MBD5: variants seen among roughly 807,000 people sequenced by gnomAD.
MBD5 encodes methyl-CpG-binding domain protein 5.
Under a neutral mutation model 117.3 loss-of-function variants are expected in MBD5, and 13 were observed. The observed-to-expected ratio is 0.11, with a 90% CI of 0.07 to 0.18. The LOEUF (loss-of-function observed/expected upper bound fraction) is 0.18, where lower values mean the gene tolerates loss of function less well. MBD5 is among the 10% of genes least tolerant of loss of function. The pLI is 1.00. For synonymous variants in MBD5, 727 were observed against 766.4 expected (o/e 0.95, Z 0.85); for missense variants, 1,879 against 2,093.8 (o/e 0.90, Z 2.00).
intron 1 of MBD5, among the ~76,000 whole-genome samples, chr2:148,053,642 T>TGTTG: frequency 6.6e-6 from 1 of 152,110 alleles, no homozygotes; most frequent in East Asian, 1.9e-4. Flanking sequence ...ACTTACACCA[T>TGTTG]ATGCATTCTC....
At chr2:148,172,812 G>A (rs1698293034) in intron 1 of MBD5, among the ~76,000 whole-genome samples, 1 of 152,112 alleles carries the variant, frequency 6.6e-6, no homozygotes, top group African/African-American at 2.4e-5. Context: ...AGACCGTTGG[G>A]ACTACCAGGT....
intron 1 of MBD5, among the ~76,000 whole-genome samples, chr2:148,156,879 T>C (rs1158593683): frequency 6.6e-6 from 1 of 152,202 alleles, no homozygotes; most frequent in Non-Finnish European, 1.5e-5. Context: ...TATTATAATA[T>C]AATTTTCATG....
intron 2 of MBD5, among the ~76,000 whole-genome samples, chr2:148,200,324 A>T (rs1432883952): frequency 6.6e-6 from 1 of 152,194 alleles, no homozygotes; most frequent in African/African-American, 2.4e-5. Flanking sequence ...GTTTGTAGAT[A>T]TACAATCCAG....
chr2:148,083,051 C>T (rs1319227472), intron 1 of MBD5, among the ~76,000 whole-genome samples: 1 of 152,118 alleles, frequency 6.6e-6, no homozygotes, highest in Non-Finnish European at 1.5e-5. Flanking sequence ...GGATTTAAAT[C>T]CAAGTCTGTT....
intron 5 of MBD5, among the ~76,000 whole-genome samples, chr2:148,460,481 A>G (rs1338822521): frequency 1.3e-5 from 2 of 152,188 alleles, no homozygotes; most frequent in East Asian, 3.9e-4. Context: ...ATTTGTTTGT[A>G]TATAACTAAA....
At chr2:148,248,972 A>G (rs749780561) in intron 3 of MBD5, among the ~76,000 whole-genome samples, 5 of 151,934 alleles carry the variant, frequency 3.3e-5, no homozygotes, top group Non-Finnish European at 5.9e-5. Context: ...ATGAAATTTG[A>G]CCCCCTACTT....
intron 8 of MBD5, chr2:148,481,727 A>C (rs1199272211): frequency 6.6e-6 from 1 of 152,050 alleles, no homozygotes; most frequent in Non-Finnish European, 1.5e-5. Context: ...GGTGATTTCA[A>C]AGAATACTAC....
rs142430742 is a variant in MBD5 at position 148,296,258 on chromosome 2, A to G, written c.-679-45956A>G. 336 of 185,494 alleles carry G rather than the reference A, an allele frequency of 1.8e-3. 1 individual carries two copies. Among genetic ancestry groups the G allele is most frequent in the African/African-American group, 7.5e-3 (312 of 41,726 alleles). 11.5% of individuals were successfully genotyped at this position (185,494 alleles called of 1,614,324 possible). A position where few individuals can be genotyped will look rare whatever the true frequency, so the allele number is the denominator to read the frequency against. On this transcript the variant is annotated intron_variant, in intron 3 of 13. Transcript: ENST00000642680. ...TCTCTCTTCTTATAGAATATCAGCAATTGTATTTAGTAGGTAATTTAAGAA... is the reference window on the plus strand; with the variant it reads ...TCTCTCTTCTTATAGAATATCAGCAGTTGTATTTAGTAGGTAATTTAAGAA...
intron 1 of MBD5, among the ~76,000 whole-genome samples, chr2:148,112,987 T>C (rs1696538502): frequency 6.6e-6 from 1 of 152,186 alleles, no homozygotes; most frequent in Non-Finnish European, 1.5e-5. Flanking sequence ...AGTAAGACCC[T>C]GTCTCTTAAA....
intron 3 of MBD5, among the ~76,000 whole-genome samples, chr2:148,256,755 C>T (rs984643877): frequency 2.6e-5 from 4 of 152,264 alleles, no homozygotes; most frequent in African/African-American, 9.6e-5. Flanking sequence ...GGGACACCCT[C>T]CCTTAAATGC....
At chr2:148,280,338 A>G (rs1701220338) in intron 3 of MBD5, among the ~76,000 whole-genome samples, 1 of 151,976 alleles carries the variant, frequency 6.6e-6, no homozygotes, top group Admixed American at 6.6e-5. Context: ...TGTCGATTTT[A>G]TTTTAAAAGG....
At chr2:148,418,455 G>C (rs999259947) in intron 4 of MBD5, among the ~76,000 whole-genome samples, 23 of 152,080 alleles carry the variant, frequency 1.5e-4, no homozygotes, top group Non-Finnish European at 3.4e-4. Flanking sequence ...GATGTGATCT[G>C]ATCTGATACC....
chr2:148,199,409 T>G (rs1048942067), intron 2 of MBD5, among the ~76,000 whole-genome samples: 3 of 152,206 alleles, frequency 2.0e-5, no homozygotes, highest in African/African-American at 7.2e-5. Flanking sequence ...ACTTCAATAC[T>G]AAGTCATTCT....
chr2:148,359,504 A>G (rs988955580), intron 4 of MBD5, among the ~76,000 whole-genome samples: 3 of 152,278 alleles, frequency 2.0e-5, no homozygotes, highest in South Asian at 4.1e-4. Context: ...GTCCTTTAAA[A>G]GGGCACTATT....
intron 1 of MBD5, among the ~76,000 whole-genome samples, chr2:148,153,274 C>T (rs1697745094): frequency 6.6e-6 from 1 of 151,982 alleles, no homozygotes; most frequent in African/African-American, 2.4e-5. Context: ...GGCCCCCACT[C>T]TCTTCTGGCT....
Position 148,424,378 on chromosome 2 carries a change from A to G in MBD5, c.-556-33825A>G, listed in dbSNP as rs1429394646. On this transcript the variant is annotated intron_variant, in intron 4 of 13. Transcript: ENST00000642680. ...ACCCAATACGGGAGCACCCAGACTC[A>G]TAAAGCAAGTTCTTAAGGACCTACA... 2.0e-5 allele frequency among the ~76,000 whole-genome samples: 3 copies of G among 151,944 alleles called. No homozygotes were observed. The East Asian group carries it at 5.8e-4, about 29-fold the overall frequency.
In MBD5 at chr2:148,170,221, A is replaced by G. The variant is rs539730416; in HGVS notation, c.-924-8479A>G. Among the ~76,000 whole-genome samples the G allele has an allele frequency of 7.2e-5, 11 of 152,290 alleles. 1 individual carries two copies. The highest frequency in any genetic ancestry group is 2.6e-4 in the African/African-American group (11 of 41,564). Reference sequence around the variant, plus strand: ...CCGGGATTCTTCTTTTCTTTGCGACAAAAGGATAATAGTTGCATTAAAATC... The same window carrying G: ...CCGGGATTCTTCTTTTCTTTGCGACGAAAGGATAATAGTTGCATTAAAATC... On this transcript the variant is annotated intron_variant, in intron 1 of 13. Transcript: ENST00000642680.
Position 148,117,307 on chromosome 2 carries a change from T to C in MBD5, c.-924-61393T>C, listed in dbSNP as rs1292277952. 1.3e-5 allele frequency among the ~76,000 whole-genome samples: 2 copies of C among 149,902 alleles called. 1 individual carries two copies. The highest frequency in any genetic ancestry group is 6.3e-3 in the Middle Eastern group (2 of 316). ...CAGTAATAGATCTCTTATAGTTCTT[T>C]CTTCTTTCCTTTTTCAATAAAAAAA... On this transcript the variant is annotated intron_variant, in intron 1 of 13. Coordinates refer to ENST00000642680, the MANE Select transcript of MBD5 (RefSeq NM_001378120.1).
intron 8 of MBD5, chr2:148,470,750 C>A (rs1680770569): frequency 4.7e-6 from 2 of 427,072 alleles, no homozygotes; most frequent in Non-Finnish European, 8.2e-6. Flanking sequence ...CTCCAAACTG[C>A]AAAATAAGCC....
Sources: allele counts gnomAD v4.1 joint callset (sites outside exome capture counted in the v4.1 genomes callset), GRCh38; gene constraint gnomAD v4.1.1; transcripts MANE v1.5; gene names NCBI Gene and HGNC (gene_info 2026-07-23, HGNC 2026-07-21).